The following PRR5L variants were observed in gnomAD, a reference collection of about 807,000 sequenced individuals.
PRR5L encodes the protein proline-rich protein 5-like.
In PRR5L, 21 loss-of-function variants were observed where a neutral mutation model predicts 36.4. The ratio of observed to expected loss-of-function variants is 0.58; its 90% CI spans 0.41 to 0.83. PRR5L has a LOEUF of 0.83. Ranked by LOEUF, PRR5L falls within the 40% of genes least tolerant of loss-of-function variation. The pLI, the probability that PRR5L is intolerant of heterozygous loss-of-function variation, is 0.00. For missense variants in PRR5L, 381 were observed against 473.3 expected, an observed-to-expected ratio of 0.80 and a Z score of 1.81; for synonymous variants, 188 against 197.0, an observed-to-expected ratio of 0.95 and a Z score of 0.38.
At chr11:36,395,878 T>A (rs1857648727) in intron 1 of PRR5L, among the ~76,000 whole-genome samples, 2 of 152,092 alleles carry the variant, frequency 1.3e-5, no homozygotes. Context: ...AACACTACCA[T>A]GCCTGAATAA....
intron 1 of PRR5L, chr11:36,297,534 T>C (rs1460152495): frequency 6.6e-6 from 1 of 152,226 alleles, no homozygotes; most frequent in Non-Finnish European, 1.5e-5. Flanking sequence ...ACTCATGGTA[T>C]ATTATGGAAG....
Position 36,463,080 on chromosome 11 carries a change from C to A in PRR5L, c.*344C>A. 1 of 219,188 alleles carries A rather than the reference C, an allele frequency of 4.6e-6. No individual in the cohort carries two copies. The highest frequency in any genetic ancestry group is 8.9e-6 in the Non-Finnish European group (1 of 112,218). 13.6% of individuals were successfully genotyped at this position (219,188 alleles called of 1,614,324 possible). On this transcript the variant is annotated 3_prime_UTR_variant, in exon 9 of 9. Transcript: ENST00000530639. ...CCAATGACATATCCAATGCTCCTGGCATTTCTGGAGCAGGAGGTTGTCAGG... is the reference window on the plus strand; with the variant it reads ...CCAATGACATATCCAATGCTCCTGGAATTTCTGGAGCAGGAGGTTGTCAGG...
Position 36,463,961 on chromosome 11 carries a change from C to T in PRR5L, c.*1225C>T, listed in dbSNP as rs540109712. 6.6e-6 allele frequency: 1 copy of T among 152,266 alleles called. No individual in the cohort carries two copies. Among genetic ancestry groups the T allele is most frequent in the East Asian group, 1.9e-4 (1 of 5,192 alleles). 9.4% of individuals were successfully genotyped at this position (152,266 alleles called of 1,614,324 possible). A position where few individuals can be genotyped will look rare whatever the true frequency, so the allele number is the denominator to read the frequency against. Reference sequence around the variant, plus strand: ...GCATGGAAAATGGAATGTTTCCATGCTTTACAGTGCTGGGAGAGAGGGGAG... The same window carrying T: ...GCATGGAAAATGGAATGTTTCCATGTTTTACAGTGCTGGGAGAGAGGGGAG... On this transcript the variant is annotated 3_prime_UTR_variant, in exon 9 of 9. Coordinates refer to ENST00000530639, the MANE Select transcript of PRR5L (RefSeq NM_001160167.2).
At chr11:36,394,893 G>A (rs1278860618) in intron 1 of PRR5L, among the ~76,000 whole-genome samples, 1 of 152,230 alleles carries the variant, frequency 6.6e-6, no homozygotes, top group African/African-American at 2.4e-5. Flanking sequence ...ACCACAGTGA[G>A]TGAATGGCAA....
chr11:36,410,960 C>T (rs551606232), intron 3 of PRR5L, among the ~76,000 whole-genome samples: 8 of 152,328 alleles, frequency 5.3e-5, no homozygotes, highest in African/African-American at 1.9e-4. Flanking sequence ...GCGGATCTCA[C>T]CAAAGGGCCA....
chr11:36,395,997 T>A (rs1422250681), intron 1 of PRR5L: 1 of 152,250 alleles, frequency 6.6e-6, no homozygotes, highest in Non-Finnish European at 1.5e-5. Context: ...CCCAAAGTGC[T>A]GGGATTATAG....
At chr11:36,321,825 G>A (rs1475837254) in intron 1 of PRR5L, among the ~76,000 whole-genome samples, 1 of 152,094 alleles carries the variant, frequency 6.6e-6, no homozygotes, top group East Asian at 1.9e-4. Flanking sequence ...TTCTTCTGAG[G>A]CCTCTTCCTT....
chr11:36,337,717 T>G (rs901419379), intron 1 of PRR5L, among the ~76,000 whole-genome samples: 1 of 152,180 alleles, frequency 6.6e-6, no homozygotes, highest in Non-Finnish European at 1.5e-5. Flanking sequence ...ACACCACATA[T>G]TCATCTTACA....
At chr11:36,301,731 A>G (rs566717007) in intron 1 of PRR5L, among the ~76,000 whole-genome samples, 1 of 152,344 alleles carries the variant, frequency 6.6e-6, no homozygotes, top group East Asian at 1.9e-4. Context: ...ATGAAAGAGC[A>G]ATTCAAATGC....
At chr11:36,389,911 C>T (rs552572016) in intron 1 of PRR5L, among the ~76,000 whole-genome samples, 5 of 152,190 alleles carry the variant, frequency 3.3e-5, no homozygotes, top group South Asian at 2.1e-4. Context: ...TGTTCTGAGC[C>T]GACACCTGCT....
intron 8 of PRR5L, among the ~76,000 whole-genome samples, chr11:36,453,773 C>T (rs1227984457): frequency 6.6e-6 from 1 of 152,166 alleles, no homozygotes; most frequent in Non-Finnish European, 1.5e-5. Context: ...GGGATTTCAT[C>T]TTGACTAGGG....
At chr11:36,369,038 G>A (rs74850852) in intron 1 of PRR5L, among the ~76,000 whole-genome samples, 91 of 152,234 alleles carry the variant, frequency 6.0e-4, no homozygotes, top group African/African-American at 2.1e-3. Context: ...TGCTGGTGAT[G>A]GACTATGGGT....
intron 1 of PRR5L, among the ~76,000 whole-genome samples, chr11:36,325,279 A>G (rs1856649465): frequency 6.6e-6 from 1 of 152,260 alleles, no homozygotes; most frequent in Non-Finnish European, 1.5e-5. Context: ...TGGAGCAGCA[A>G]TGGGCGCCTC....
chr11:36,307,313 G>T (rs1306882168), intron 1 of PRR5L, among the ~76,000 whole-genome samples: 1 of 152,188 alleles, frequency 6.6e-6, no homozygotes, highest in African/African-American at 2.4e-5. Flanking sequence ...AAATTAAGCA[G>T]CTTACTCAAA....
intron 1 of PRR5L, among the ~76,000 whole-genome samples, chr11:36,321,890 G>A (rs1856616914): frequency 6.6e-6 from 1 of 152,176 alleles, no homozygotes; most frequent in Non-Finnish European, 1.5e-5. Context: ...CCCTCTGCAG[G>A]TGTCTGTGTC....
intron 1 of PRR5L, among the ~76,000 whole-genome samples, chr11:36,322,444 A>AC (rs1297567503): frequency 6.6e-6 from 1 of 152,194 alleles, no homozygotes; most frequent in Non-Finnish European, 1.5e-5. Context: ...TTTAGAGTGA[A>AC]CTGTTGTAGA....
At chr11:36,325,667 G>T (rs889073931) in intron 1 of PRR5L, among the ~76,000 whole-genome samples, 2 of 152,162 alleles carry the variant, frequency 1.3e-5, no homozygotes, top group African/African-American at 4.8e-5. Flanking sequence ...TGAGTTGCAA[G>T]CCCCCTGTTT....
intron 2 of PRR5L, among the ~76,000 whole-genome samples, chr11:36,402,432 G>A (rs1051989702): frequency 2.0e-5 from 3 of 152,158 alleles, no homozygotes; most frequent in Non-Finnish European, 4.4e-5. Flanking sequence ...TAGTAGAGAC[G>A]GGATTTCACC....
At chr11:36,375,337 T>C (rs1216064668) in intron 1 of PRR5L, among the ~76,000 whole-genome samples, 1 of 152,184 alleles carries the variant, frequency 6.6e-6, no homozygotes, top group Admixed American at 6.5e-5. Flanking sequence ...TTCATCATTC[T>C]AGGGCTTCTG....
Sources: gnomAD v4.1 joint callset for allele counts (sites outside exome capture counted in the v4.1 genomes callset) on GRCh38, gnomAD v4.1.1 for gene constraint, MANE v1.5 for transcripts, NCBI Gene and HGNC (gene_info 2026-07-23, HGNC 2026-07-21) for gene names.